AR: variants seen among roughly 807,000 people sequenced by gnomAD.
AR encodes dihydrotestosterone receptor.
A neutral mutation model predicts 53.9 loss-of-function variants in AR; 8 were observed. The ratio of observed to expected loss-of-function variants is 0.15; its 90% CI spans 0.09 to 0.27. The LOEUF (loss-of-function observed/expected upper bound fraction) is 0.27, where lower values mean the gene tolerates loss of function less well. Ranked by LOEUF, AR falls within the 10% of genes least tolerant of loss-of-function variation. The probability of loss-of-function intolerance (pLI) is 1.00; values close to 1 mark genes in which losing one functional copy is unlikely to be tolerated. For missense variants in AR, 639 were observed against 742.5 expected, an observed-to-expected ratio of 0.86 and a Z score of 1.62; for synonymous variants, 359 against 316.4, an observed-to-expected ratio of 1.13 and a Z score of -1.43.
intron 1 of AR, among the ~76,000 whole-genome samples, chrX:67,609,448 G>T (rs993828664): frequency 1.4e-4 from 16 of 111,363 alleles, no homozygotes; most frequent in Non-Finnish European, 2.8e-4. Context: ...TCCATTAAAA[G>T]ATAGCTTATG....
In AR at chrX:67,711,547, C is replaced by T. The variant is rs1311909326; in HGVS notation, c.2031C>T (p.Val677=). 16 of 1,211,643 alleles carry T rather than the reference C, an allele frequency of 1.3e-5. No individual in the cohort carries two copies. Among genetic ancestry groups the T allele is most frequent in the Middle Eastern group, 2.3e-4 (1 of 4,351 alleles). Residue 677 remains valine (V), a synonymous_variant, in exon 4 of 8, where the codon GTC becomes GTT. Coordinates refer to ENST00000374690, the MANE Select transcript of AR (RefSeq NM_000044.6). Reference sequence around the variant, plus strand: ...AATGTCAGCCCATCTTTCTGAATGTCCTGGAAGCCATTGAGCCAGGTGTAG... The same window carrying T: ...AATGTCAGCCCATCTTTCTGAATGTTCTGGAAGCCATTGAGCCAGGTGTAG... ...GYECQPIFLN[V]LEAIEPGVVC... is the part of the protein sequence containing the mutation.
intron 3 of AR, among the ~76,000 whole-genome samples, chrX:67,690,800 G>A (rs2075991766): frequency 9.0e-6 from 1 of 111,626 alleles, no homozygotes; most frequent in Non-Finnish European, 1.9e-5. Context: ...TCACTTGGAA[G>A]AAGTTAGGTG....
intron 2 of AR, among the ~76,000 whole-genome samples, chrX:67,662,863 C>T (rs1927015680): frequency 9.0e-6 from 1 of 111,519 alleles, no homozygotes; most frequent in Non-Finnish European, 1.9e-5. Context: ...GAATTGATCC[C>T]TTTACCATTA....
Position 67,725,796 on chromosome X carries a change from G to A in AR, c.*1955G>A, listed in dbSNP as rs957270873. 5.7e-6 allele frequency: 1 copy of A among 173,937 alleles called. No individual in the cohort carries two copies. Among genetic ancestry groups the A allele is most frequent in the Non-Finnish European group, 1.1e-5 (1 of 91,514 alleles). The allele number at this position is 173,937 out of a possible 1,213,427, so 14.3% of individuals were successfully genotyped here. On this transcript the variant is annotated 3_prime_UTR_variant, in exon 8 of 8. Transcript: ENST00000374690. ...TGGCTTCTTTCGGAAAGGTCTGGTT[G>A]GTGTGGCTCCAATACTTTGCCACCC...
chrX:67,566,300 C>G (rs1414278920), intron 1 of AR, among the ~76,000 whole-genome samples: 8 of 111,536 alleles, frequency 7.2e-5, no homozygotes, highest in Non-Finnish European at 1.1e-4. Context: ...CATCTCAGGC[C>G]TCTAAAATCT....
At chrX:67,626,705 T>A (rs1322277572) in intron 1 of AR, among the ~76,000 whole-genome samples, 1 of 101,479 alleles carries the variant, frequency 9.9e-6, no homozygotes, top group Non-Finnish European at 2.0e-5. Flanking sequence ...TATGTATACA[T>A]GTGCCATGCA....
chrX:67,555,225 G>T (rs1225624837), intron 1 of AR, among the ~76,000 whole-genome samples: 1 of 111,894 alleles, frequency 8.9e-6, no homozygotes, highest in Non-Finnish European at 1.9e-5. Flanking sequence ...AATAGAGGCT[G>T]AAGTGGTCAG....
At chrX:67,587,064 C>A (rs1464725620) in intron 1 of AR, among the ~76,000 whole-genome samples, 1 of 112,025 alleles carries the variant, frequency 8.9e-6, no homozygotes. Flanking sequence ...TATGCATTCT[C>A]ATTTCCCAGA....
At chrX:67,686,663 G>A (rs998180573) in intron 3 of AR, among the ~76,000 whole-genome samples, 2 of 111,785 alleles carry the variant, frequency 1.8e-5, no homozygotes, top group Non-Finnish European at 3.8e-5. Flanking sequence ...GCCACACAGA[G>A]CCAATTTCCT....
At chrX:67,695,942 T>C (rs1159583529) in intron 3 of AR, 3 of 751,014 alleles carry the variant, frequency 4.0e-6, no homozygotes, top group Non-Finnish European at 4.7e-6. Flanking sequence ...AGAATTTTAA[T>C]CTCCAGACCA....
rs1009415376 is a variant in AR at position 67,726,017 on chromosome X, C to G, written c.*2176C>G. On this transcript the variant is annotated 3_prime_UTR_variant, in exon 8 of 8. Transcript: ENST00000374690. ...AATCAAGGGCCAGTCATCAAGCTGC[C>G]CATTTTAATTGATTCACTCTGTTTG... The G allele has an allele frequency of 4.6e-5, 8 of 174,410 alleles. No individual in the cohort carries two copies. The highest frequency in any genetic ancestry group is 7.6e-5 in the Non-Finnish European group (7 of 91,605). The allele number at this position is 174,410 out of a possible 1,213,427, so 14.4% of individuals were successfully genotyped here.
intron 1 of AR, among the ~76,000 whole-genome samples, chrX:67,559,115 C>T (rs1267707761): frequency 8.9e-6 from 1 of 112,243 alleles, no homozygotes; most frequent in Non-Finnish European, 1.9e-5. Flanking sequence ...CCTTAATATG[C>T]ACCAGTTTCT....
At chrX:67,556,595 C>T (rs1300721469) in intron 1 of AR, among the ~76,000 whole-genome samples, 3 of 111,847 alleles carry the variant, frequency 2.7e-5, no homozygotes, top group East Asian at 2.8e-4. Flanking sequence ...AAAATCTCTT[C>T]GTGGAGCAGA....
chrX:67,702,701 A>T (rs2147514664), intron 3 of AR, among the ~76,000 whole-genome samples: 1 of 112,389 alleles, frequency 8.9e-6, no homozygotes, highest in African/African-American at 3.2e-5. Flanking sequence ...TTGTTGGTCC[A>T]AACATGTAAT....
In AR at chrX:67,545,428, T is replaced by A. The variant is rs145326748; in HGVS notation, c.282T>A (p.Asp94Glu). 8.4e-7 allele frequency: 1 copy of A among 1,194,707 alleles called. No homozygotes were observed. The highest frequency in any genetic ancestry group is 1.8e-5 in the African/African-American group (1 of 55,603). ...PRQQQQQQGE[D>E]GSPQAHRRGP... ...AGCAGCAGCAGCAGCAGGGTGAGGA[T>A]GGTTCTCCCCAAGCCCATCGTAGAG... Residue 94 changes from aspartate to glutamate, a missense_variant, in exon 1 of 8, where the codon GAT (aspartate) becomes GAA (glutamate). By Grantham distance (45) the Asp-to-Glu change is conservative. Coordinates refer to ENST00000374690, the MANE Select transcript of AR (RefSeq NM_000044.6).
intron 1 of AR, among the ~76,000 whole-genome samples, chrX:67,596,919 C>T (rs1375841981): frequency 8.9e-6 from 1 of 111,817 alleles, no homozygotes; most frequent in Non-Finnish European, 1.9e-5. Context: ...TTTTTCTATG[C>T]ACTAAAACAG....
At chrX:67,660,843 T>G (rs1312484758) in intron 2 of AR, among the ~76,000 whole-genome samples, 1 of 111,941 alleles carries the variant, frequency 8.9e-6, no homozygotes, top group Non-Finnish European at 1.9e-5. Context: ...TTCCTACCCA[T>G]GAGCATGGAA....
intron 1 of AR, among the ~76,000 whole-genome samples, chrX:67,635,602 G>GAA (rs1417993351): frequency 9.0e-6 from 1 of 110,613 alleles, no homozygotes; most frequent in Non-Finnish European, 1.9e-5. Context: ...GAGAGAGAGA[G>GAA]AAACCTGGTG....
intron 3 of AR, among the ~76,000 whole-genome samples, chrX:67,707,701 C>G (rs1197226165): frequency 9.0e-6 from 1 of 111,589 alleles, no homozygotes; most frequent in Non-Finnish European, 1.9e-5. Flanking sequence ...TTAGCTGGTT[C>G]TTTTGCTCGT....
Sources: gnomAD v4.1 joint callset for allele counts (sites outside exome capture counted in the v4.1 genomes callset) on GRCh38, gnomAD v4.1.1 for gene constraint, MANE v1.5 for transcripts, NCBI Gene and HGNC (gene_info 2026-07-23, HGNC 2026-07-21) for gene names.